Variants in SYNPO2 observed in about 807,000 individuals in gnomAD.
SYNPO2 encodes the protein synaptopodin-2.
In SYNPO2, 56 loss-of-function variants were observed where a neutral mutation model predicts 85.0. The observed-to-expected ratio is 0.66, with a 90% CI of 0.53 to 0.82. The LOEUF (loss-of-function observed/expected upper bound fraction) is 0.82, where lower values mean the gene tolerates loss of function less well. Among genes scored for constraint, SYNPO2 ranks in the 40% least tolerant of loss-of-function variants. SYNPO2 has a pLI of 0.00. For missense variants in SYNPO2, 1,575 were observed against 1,534.2 expected, an observed-to-expected ratio of 1.03 and a Z score of -0.44; for synonymous variants, 602 against 591.1, an observed-to-expected ratio of 1.02 and a Z score of -0.27.
chr4:118,857,721 A>G (rs1355225912), intron 1 of SYNPO2, among the ~76,000 whole-genome samples: 1 of 152,246 alleles, frequency 6.6e-6, no homozygotes, highest in Non-Finnish European at 1.5e-5. Flanking sequence ...TTTCTAATAG[A>G]GTAGAACGCT....
chr4:118,883,072 T>C (rs1196946181), intron 1 of SYNPO2, among the ~76,000 whole-genome samples: 3 of 151,964 alleles, frequency 2.0e-5, no homozygotes. Flanking sequence ...GTTTTTTTTT[T>C]TTTTAAAGGC....
chr4:118,994,818 T>C (rs1736530451), intron 1 of SYNPO2, among the ~76,000 whole-genome samples: 1 of 152,228 alleles, frequency 6.6e-6, no homozygotes, highest in Admixed American at 6.5e-5. Context: ...GTATTTAATT[T>C]TTAAAATTTT....
intron 1 of SYNPO2, among the ~76,000 whole-genome samples, chr4:118,855,310 G>C (rs1731485349): frequency 6.6e-6 from 1 of 151,922 alleles, no homozygotes; most frequent in Non-Finnish European, 1.5e-5. Context: ...ATCTAAATTT[G>C]GTAAGCATTC....
At chr4:118,910,140 A>C (rs971046532) in intron 1 of SYNPO2, among the ~76,000 whole-genome samples, 2 of 152,192 alleles carry the variant, frequency 1.3e-5, no homozygotes, top group Non-Finnish European at 2.9e-5. Context: ...TCTTTGCAGC[A>C]ACACATGTGG....
intron 1 of SYNPO2, among the ~76,000 whole-genome samples, chr4:118,871,779 C>T (rs1384457968): frequency 2.0e-5 from 3 of 152,130 alleles, no homozygotes; most frequent in African/African-American, 7.2e-5. Flanking sequence ...CATTGTTAGC[C>T]AGGATGATCT....
At chr4:118,894,909 C>A (rs1349082998) in intron 1 of SYNPO2, among the ~76,000 whole-genome samples, 4 of 151,376 alleles carry the variant, frequency 2.6e-5, no homozygotes, top group Non-Finnish European at 4.4e-5. Flanking sequence ...AATTTTCATT[C>A]ATTTTGCCTA....
chr4:118,928,800 T>C (rs1733822857), intron 1 of SYNPO2, among the ~76,000 whole-genome samples: 1 of 152,220 alleles, frequency 6.6e-6, no homozygotes, highest in Non-Finnish European at 1.5e-5. Flanking sequence ...ATTTGTATAC[T>C]GATATATAAA....
chr4:118,883,569 A>G (rs1246954260), intron 1 of SYNPO2, among the ~76,000 whole-genome samples: 1 of 152,254 alleles, frequency 6.6e-6, no homozygotes, highest in African/African-American at 2.4e-5. Context: ...TGAGTGAATG[A>G]ATAAATGGTA....
At chr4:118,991,636 A>G (rs890111429) in intron 1 of SYNPO2, among the ~76,000 whole-genome samples, 1 of 152,164 alleles carries the variant, frequency 6.6e-6, no homozygotes, top group African/African-American at 2.4e-5. Flanking sequence ...AAAGAGGTAT[A>G]TGTTGCCTAT....
rs765003546 is a variant in SYNPO2, at chr4:118,881,301, CA to C, written c.12+30376del. On this transcript the variant is annotated intron_variant, in intron 1 of 4. Coordinates refer to the SYNPO2 transcript ENST00000610556. ...TGGGCGACAGAGCAAAACTCCGTCT[CA>C]AAAAAAAAAAAAAAGAAGAAGAAGA... Among the ~76,000 whole-genome samples, 403 of 113,946 alleles carry C rather than the reference CA, an allele frequency of 3.5e-3. 1 individual carries two copies. The highest frequency in any genetic ancestry group is 9.5e-3 in the African/African-American group (261 of 27,578). 74.8% of individuals were successfully genotyped at this position (113,946 alleles called of 152,430 possible).
chr4:119,041,670 A>G (rs1464727603), intron 4 of SYNPO2, among the ~76,000 whole-genome samples: 1 of 152,254 alleles, frequency 6.6e-6, no homozygotes, highest in East Asian at 1.9e-4. Context: ...GCAACACTAA[A>G]TATATTACTT....
chr4:118,923,008 A>G (rs1038165772), intron 1 of SYNPO2, among the ~76,000 whole-genome samples: 90 of 152,300 alleles, frequency 5.9e-4, no homozygotes, highest in African/African-American at 2.1e-3. Context: ...TAAGATAATG[A>G]ATTCCATGGA....
rs184849822 is a variant in SYNPO2, at chr4:118,861,653, A to T, written c.12+10713A>T. Among the ~76,000 whole-genome samples, 10 of 152,238 alleles carry T rather than the reference A, an allele frequency of 6.6e-5. No individual in the cohort carries two copies. In the East Asian group the frequency reaches 1.9e-3, roughly 29 times the overall value. On this transcript the variant is annotated intron_variant, in intron 1 of 4. Transcript: ENST00000610556. ...CCTTTGTCGAAAATGAGTTCACTGT[A>T]GATGTATGGATTTATTATGGCTTCT... is the stretch of plus-strand genomic sequence containing the variant.
chr4:119,053,485 C>T (rs1432084093), intron 4 of SYNPO2, among the ~76,000 whole-genome samples: 2 of 152,172 alleles, frequency 1.3e-5, no homozygotes, highest in African/African-American at 4.8e-5. Flanking sequence ...GAGCTGGTTG[C>T]TCTTCTTTCC....
intron 1 of SYNPO2, among the ~76,000 whole-genome samples, chr4:118,983,329 C>T (rs1046051884): frequency 9.2e-5 from 14 of 152,166 alleles, no homozygotes; most frequent in African/African-American, 3.4e-4. Flanking sequence ...CTCTCTGCCT[C>T]CATTCACACT....
intron 1 of SYNPO2, among the ~76,000 whole-genome samples, chr4:118,973,359 G>T (rs918635054): frequency 4.0e-5 from 6 of 151,372 alleles, no homozygotes; most frequent in African/African-American, 1.5e-4. Flanking sequence ...GCACACACTT[G>T]CACTAAGTGT....
intron 1 of SYNPO2, among the ~76,000 whole-genome samples, chr4:118,962,295 A>C (rs1735128085): frequency 6.6e-6 from 1 of 152,232 alleles, no homozygotes; most frequent in African/African-American, 2.4e-5. Context: ...TAGCCAATTT[A>C]TAAAGGAAGT....
chr4:119,006,358 C>T (rs181057733), intron 1 of SYNPO2: 1 of 152,188 alleles, frequency 6.6e-6, no homozygotes, highest in Non-Finnish European at 1.5e-5. Flanking sequence ...ATAACCCAAA[C>T]ACCAAAGAAT....
chr4:118,959,786 G>A (rs187806307), intron 1 of SYNPO2, among the ~76,000 whole-genome samples: 8 of 101,990 alleles, frequency 7.8e-5, no homozygotes, highest in Admixed American at 4.5e-4. Flanking sequence ...TGGCATCTCC[G>A]AGGCTCTATC....
Sources: allele counts gnomAD v4.1 joint callset (sites outside exome capture counted in the v4.1 genomes callset), GRCh38; gene constraint gnomAD v4.1.1; transcripts MANE v1.5; gene names NCBI Gene and HGNC (gene_info 2026-07-23, HGNC 2026-07-21).